The following PCDH15 variants were observed in gnomAD, a reference collection of about 807,000 sequenced individuals.
PCDH15 encodes the protein protocadherin related 15.
A neutral mutation model predicts 178.5 loss-of-function variants in PCDH15; 129 were observed. That is an observed-to-expected ratio of 0.72 (90% CI 0.63 to 0.84). PCDH15 has a LOEUF of 0.84. Among genes scored for constraint, PCDH15 ranks in the 40% least tolerant of loss-of-function variants. The pLI, the probability that PCDH15 is intolerant of heterozygous loss-of-function variation, is 0.00. For missense variants in PCDH15, 2,230 were observed against 2,099.9 expected (o/e 1.06, Z -1.21); for synonymous variants, 800 against 732.0 (o/e 1.09, Z -1.50).
At chr10:53,970,181 G>A (rs553263813) in intron 21 of PCDH15, among the ~76,000 whole-genome samples, 61 of 149,930 alleles carry the variant, frequency 4.1e-4, no homozygotes, top group African/African-American at 1.2e-3. Context: ...CAAATGGAAA[G>A]CAAAAAAAAA....
At chr10:54,167,255 T>C (rs1220708099) in intron 13 of PCDH15, among the ~76,000 whole-genome samples, 1 of 152,056 alleles carries the variant, frequency 6.6e-6, no homozygotes, top group Admixed American at 6.6e-5. Context: ...CCAAGGAACA[T>C]CTCACCAATT....
intron 2 of PCDH15, among the ~76,000 whole-genome samples, chr10:54,584,094 A>G (rs1463190572): frequency 6.6e-6 from 1 of 152,118 alleles, no homozygotes; most frequent in African/African-American, 2.4e-5. Context: ...ATTACATAAT[A>G]TATTATTTAA....
At chr10:54,566,675 C>T (rs895103966) in intron 2 of PCDH15, among the ~76,000 whole-genome samples, 42 of 152,136 alleles carry the variant, frequency 2.8e-4, no homozygotes, top group African/African-American at 9.4e-4. Flanking sequence ...TGATAGTACA[C>T]TTACTTTTAG....
intron 3 of PCDH15, among the ~76,000 whole-genome samples, chr10:54,394,721 T>C (rs374497153): frequency 2.0e-5 from 3 of 152,262 alleles, no homozygotes; most frequent in South Asian, 2.1e-4. Flanking sequence ...TTCCTCTTCC[T>C]AATAAGCCTG....
chr10:55,426,889 C>T (rs1838770839), intron 2 of PCDH15, among the ~76,000 whole-genome samples: 1 of 152,164 alleles, frequency 6.6e-6, no homozygotes, highest in Non-Finnish European at 1.5e-5. Flanking sequence ...AGCCACTTCT[C>T]TCCAATGTCA....
intron 1 of PCDH15, among the ~76,000 whole-genome samples, chr10:55,311,427 G>C (rs1843584329): frequency 6.6e-6 from 1 of 152,164 alleles, no homozygotes; most frequent in African/African-American, 2.4e-5. Context: ...CTTGAATACA[G>C]TGATTACATC....
chr10:55,153,443 C>A (rs1326339267), intron 2 of PCDH15, among the ~76,000 whole-genome samples: 2 of 152,084 alleles, frequency 1.3e-5, no homozygotes, highest in Admixed American at 1.3e-4. Context: ...CTGGGTGAAG[C>A]AGAATGCAAT....
chr10:54,982,810 G>T (rs971701516), intron 2 of PCDH15, among the ~76,000 whole-genome samples: 2 of 152,072 alleles, frequency 1.3e-5, no homozygotes, highest in African/African-American at 2.4e-5. Flanking sequence ...CCCTCAAAAT[G>T]TAAGCATTAT....
intron 1 of PCDH15, among the ~76,000 whole-genome samples, chr10:55,206,835 GA>G (rs1840415381): frequency 6.6e-6 from 1 of 151,916 alleles, no homozygotes; most frequent in Non-Finnish European, 1.5e-5. Flanking sequence ...AAATAATTTT[GA>G]AATTTTGGAA....
intron 32 of PCDH15, among the ~76,000 whole-genome samples, chr10:53,826,755 G>GACTA (rs1320982643): frequency 1.3e-5 from 2 of 152,082 alleles, no homozygotes; most frequent in Non-Finnish European, 2.9e-5. Flanking sequence ...TTCAAATCGT[G>GACTA]CAGGAGAAAT....
At chr10:54,549,142 T>C (rs1018469962) in intron 2 of PCDH15, among the ~76,000 whole-genome samples, 1 of 151,888 alleles carries the variant, frequency 6.6e-6, no homozygotes, top group African/African-American at 2.4e-5. Context: ...TCCTTGGCTT[T>C]GTTAAGTCTG....
At chr10:54,048,635 C>T (rs910584503) in intron 18 of PCDH15, among the ~76,000 whole-genome samples, 1 of 152,096 alleles carries the variant, frequency 6.6e-6, no homozygotes, top group African/African-American at 2.4e-5. Flanking sequence ...GTTATCCCAA[C>T]ATTTATTGAA....
intron 15 of PCDH15, among the ~76,000 whole-genome samples, chr10:54,127,085 A>G (rs1466569748): frequency 6.6e-6 from 1 of 152,188 alleles, no homozygotes; most frequent in Non-Finnish European, 1.5e-5. Context: ...AGGTTAACAT[A>G]AATAAGAAAG....
rs374346003 is a variant in PCDH15 at position 55,347,898 on chromosome 10, A to G, written c.-155-181247T>C. ...TTCTTTTTATTTTTATTTGATTCTC[A>G]TCAGCTAAAACTTGAACCTTTTATT... On this transcript the variant is annotated intron_variant, in intron 2 of 5. Coordinates refer to the PCDH15 transcript ENST00000613346. Among the ~76,000 whole-genome samples, 10 of 152,184 alleles carry G rather than the reference A, an allele frequency of 6.6e-5. No individual in the cohort carries two copies. In the East Asian group the frequency reaches 1.9e-3, roughly 29 times the overall value.
chr10:55,627,794 A>G (rs529656185), intron 1 of PCDH15: 115 of 152,452 alleles, frequency 7.5e-4, no homozygotes, highest in African/African-American at 2.6e-3. Context: ...GAGACACACA[A>G]GGATGGTGAT....
rs992149654 is a variant in PCDH15, at chr10:54,097,265, T to C, written c.1918-7202A>G. 5.3e-5 allele frequency among the ~76,000 whole-genome samples: 8 copies of C among 152,234 alleles called. No homozygotes were observed. In the East Asian group the frequency reaches 1.2e-3, roughly 22 times the overall value. On this transcript the variant is annotated intron_variant, in intron 15 of 37. Transcript: ENST00000644397. ...AGTAATTATATCTATCCCTCTCCTA[T>C]TACTGAATGATTTCATCTCTACTAC...
At chr10:55,320,909 T>C (rs116820077), upstream of PCDH15, among the ~76,000 whole-genome samples, 917 of 152,296 alleles carry the variant, frequency 6.0e-3, 5 homozygotes, top group Middle Eastern at 0.027. Context: ...ACTAGTTCCA[T>C]ACCAATGGTT....
chr10:54,492,140 A>G (rs1156718466), intron 3 of PCDH15, among the ~76,000 whole-genome samples: 1 of 152,202 alleles, frequency 6.6e-6, no homozygotes, highest in East Asian at 1.9e-4. Flanking sequence ...GGTGAAACAC[A>G]TTCCAAGTAG....
chr10:54,876,432 A>T (rs1954144921), intron 3 of PCDH15, among the ~76,000 whole-genome samples: 1 of 152,158 alleles, frequency 6.6e-6, no homozygotes, highest in African/African-American at 2.4e-5. Context: ...TTATCAGACC[A>T]TAGCTGCCAT....
Sources: allele counts gnomAD v4.1 joint callset (sites outside exome capture counted in the v4.1 genomes callset), GRCh38; gene constraint gnomAD v4.1.1; transcripts MANE v1.5; gene names NCBI Gene and HGNC (gene_info 2026-07-23, HGNC 2026-07-21).